Variants in ZNF737 observed in about 807,000 individuals in gnomAD.
The protein encoded by ZNF737 is zinc finger protein 102 (Y3).
ZNF737 carries 13 observed loss-of-function variants against 11.7 expected under a neutral mutation model. That is an observed-to-expected ratio of 1.11 (90% CI 0.73 to 1.77). The LOEUF (loss-of-function observed/expected upper bound fraction) is 1.77, where lower values mean the gene tolerates loss of function less well. ZNF737 is among the 40% of genes most tolerant of loss of function. The probability of loss-of-function intolerance (pLI) is 0.00; values close to 1 mark genes in which losing one functional copy is unlikely to be tolerated. For synonymous variants in ZNF737, 217 were observed against 216.2 expected (o/e 1.00, Z -0.03); for missense variants, 636 against 638.0 (o/e 1.00, Z 0.03).
chr19:20,548,556 T>C (rs1234380674), intron 3 of ZNF737, among the ~76,000 whole-genome samples: 2 of 152,112 alleles, frequency 1.3e-5, no homozygotes, highest in African/African-American at 2.4e-5. Flanking sequence ...TTTTACAAGA[T>C]GAAAACTTTC....
At chr19:20,553,613 C>G (rs1968776923) in intron 2 of ZNF737, 96 bp downstream of exon 2, 1 of 1,304,242 alleles carries the variant, frequency 7.7e-7, no homozygotes, top group Non-Finnish European at 1.1e-6. Flanking sequence ...ATCTGAAACT[C>G]TTTTATAAAA....
rs1968193023 is a variant in ZNF737, at chr19:20,541,248, C to G, written c.*3344G>C. On this transcript the variant is annotated 3_prime_UTR_variant, in exon 4 of 4. Transcript: ENST00000427401. ...ATTGCTTTTATTCTGAAAATATGTA[C>G]AAACCTATACTCACACAAAAACACT... is the stretch of plus-strand genomic sequence containing the variant. The G allele has an allele frequency of 1.0e-6, 1 of 984,346 alleles. No individual in the cohort carries two copies. The highest frequency in any genetic ancestry group is 1.2e-6 in the Non-Finnish European group (1 of 829,166). The allele number at this position is 984,346 out of a possible 1,614,324, so 61.0% of individuals were successfully genotyped here.
At position 20,544,652 on chromosome 19, in the gene ZNF737, GCCTTTGCCA is replaced by G; in HGVS notation, c.1542_1550del (p.Gly515_Gly517del). The stretch of plus-strand genomic sequence containing the variant: ...TAGTAAGGGTAGAGGGGCACTTAAA[GCCTTTGCCA>G]CATTCTTCACATTTGTAGGGTTTCT... On this transcript the variant is annotated inframe_deletion, in exon 4 of 4. Transcript: ENST00000427401. 1 of 1,600,362 alleles carries G rather than the reference GCCTTTGCCA, an allele frequency of 6.2e-7. No homozygotes were observed. Among genetic ancestry groups the G allele is most frequent in the Middle Eastern group, 1.7e-4 (1 of 6,030 alleles).
rs1336354401 is a variant in ZNF737, at chr19:20,545,355, T to C, written c.848A>G (p.Lys283Arg). 4 of 1,613,808 alleles carry C rather than the reference T, an allele frequency of 2.5e-6. No individual in the cohort carries two copies. In the African/African-American group the frequency reaches 4.0e-5, roughly 16 times the overall value. Residue 283 changes from lysine to arginine, a missense_variant, in exon 4 of 4, where the codon AAA becomes AGA. Lys to Arg is a conservative substitution (Grantham distance 26). Coordinates refer to ENST00000427401, the MANE Select transcript of ZNF737 (RefSeq NM_001159293.2). ...TTHKIIHTGE[K>R]PYKCEECGKA... ...GCCACATTCTTCACATTTGTAGGGT[T>C]TCTCTCCAGTATGAATTATCTTATG...
At position 20,545,485 on chromosome 19, in the gene ZNF737, G is replaced by A. The variant is rs552085240; in HGVS notation, c.718C>T (p.Arg240Trp). 73 of 1,612,950 alleles carry A rather than the reference G, an allele frequency of 4.5e-5. No individual in the cohort carries two copies. The highest frequency in any genetic ancestry group is 3.7e-4 in the Admixed American group (22 of 59,716). Residue 240 changes from arginine (R) to tryptophan (W), a missense_variant, in exon 4 of 4, where the codon CGG becomes TGG. By Grantham distance (101) the Arg-to-Trp change is moderately radical. Coordinates refer to ENST00000427401, the MANE Select transcript of ZNF737 (RefSeq NM_001159293.2). ...KCEDCGKAFSRFSYLTAHKII... is the reference protein window; with the variant it reads ...KCEDCGKAFSWFSYLTAHKII... ...TTATGTGCAGTAAGGTATGAAAACC[G>A]GCTAAAGGCTTTGCCACAGTCTTCA...
chr19:20,552,332 GA>G (rs58829785), intron 3 of ZNF737, 142 bp downstream of exon 3: 131,418 of 336,356 alleles, frequency 0.39, 12,983 homozygotes, highest in Admixed American at 0.47. Context: ...ATTTAAAAAA[GA>G]AAAAAAAAAA....
downstream of ZNF737, among the ~76,000 whole-genome samples, chr19:20,533,284 A>G (rs2122431245): frequency 6.7e-6 from 1 of 150,198 alleles, no homozygotes; most frequent in African/African-American, 2.5e-5. Flanking sequence ...CTATAGGGAA[A>G]AGATTTTTAT....
rs549319421 is a variant in ZNF737 at position 20,554,828 on chromosome 19, G to A, written c.4-993C>T. ...TAATAAGTTTTTTCAGAACTTTCTG[G>A]GTAATAAATGGCATCCCATTTAAAT... On this transcript the variant is annotated intron_variant, in intron 1 of 3. Coordinates refer to ENST00000427401, the MANE Select transcript of ZNF737 (RefSeq NM_001159293.2). Among the ~76,000 whole-genome samples, 352 of 151,026 alleles carry A rather than the reference G, an allele frequency of 2.3e-3. 1 individual carries two copies. The highest frequency in any genetic ancestry group is 8.2e-3 in the African/African-American group (337 of 41,104).
Position 20,538,944 on chromosome 19 carries a change from T to G in ZNF737, c.*5648A>C. ...ACATTTACAATCTTCAGTTTTTCAG[T>G]GTTAAAGCAAATCAGAGAAGAGCAA... On this transcript the variant is annotated 3_prime_UTR_variant, in exon 4 of 4. Coordinates refer to ENST00000427401, the MANE Select transcript of ZNF737 (RefSeq NM_001159293.2). 1.0e-6 allele frequency: 1 copy of G among 985,382 alleles called. No individual in the cohort carries two copies. The highest frequency in any genetic ancestry group is 1.2e-6 in the Non-Finnish European group (1 of 829,896). 61.0% of individuals were successfully genotyped at this position (985,382 alleles called of 1,614,324 possible).
In ZNF737 at chr19:20,543,393, TA is replaced by T. The variant is rs1968298889; in HGVS notation, c.*1198del. ...ATATTTGTAATGCTTGTCTTCACAA[TA>T]AATACTCTTCTTCACTTTAAAGGCT... On this transcript the variant is annotated 3_prime_UTR_variant, in exon 4 of 4. Coordinates refer to ENST00000427401, the MANE Select transcript of ZNF737 (RefSeq NM_001159293.2). The T allele has an allele frequency of 1.0e-6, 1 of 986,440 alleles. No homozygotes were observed. Among genetic ancestry groups the T allele is most frequent in the Non-Finnish European group, 1.2e-6 (1 of 829,602 alleles). 61.1% of individuals were successfully genotyped at this position (986,440 alleles called of 1,614,324 possible).
chr19:20,554,680 TTCAA>T, intron 1 of ZNF737, among the ~76,000 whole-genome samples: 1 of 152,142 alleles, frequency 6.6e-6, no homozygotes. Context: ...TAAAATCTGA[TTCAA>T]TCATAAAGAA....
intron 3 of ZNF737, among the ~76,000 whole-genome samples, chr19:20,547,401 A>AAAAAAC (rs375309959): frequency 6.4e-5 from 9 of 141,232 alleles, no homozygotes; most frequent in Admixed American, 7.1e-5. Context: ...AAAAAAAAAA[A>AAAAAAC]CACCACCTAC....
chr19:20,553,873 C>T (rs782791294), intron 1 of ZNF737, 38 bp from the exon 2 acceptor site: 1 of 1,594,648 alleles, frequency 6.3e-7, no homozygotes, highest in South Asian at 1.1e-5. Context: ...TACCAAGTAG[C>T]CAAGGGTGGA....
At chr19:20,533,266 A>G, downstream of ZNF737, among the ~76,000 whole-genome samples, 1 of 150,226 alleles carries the variant, frequency 6.7e-6, no homozygotes, top group Admixed American at 6.6e-5. Context: ...TATTCTAGAT[A>G]TAGTATTCTA....
chr19:20,553,723 T>C lies in ZNF737; in HGVS notation c.116A>G (p.Asn39Ser). 6.2e-7 allele frequency: 1 copy of C among 1,613,834 alleles called. No homozygotes were observed. Among genetic ancestry groups the C allele is most frequent in the African/African-American group, 1.3e-5 (1 of 75,026 alleles). ...GTTTTTCTCACCAAGGAAGACCAGG[T>C]TTCTGTAGTTCTCTAACATCACATT... is the stretch of plus-strand genomic sequence containing the variant. ...YRNVMLENYR[N>S]LVFLGIVVSK... Residue 39 changes from asparagine (N) to serine (S), a missense_variant, in exon 2 of 4, where the codon AAC becomes AGC. Transcript: ENST00000427401.
chr19:20,562,075 T>C (rs1435338588), intron 1 of ZNF737, among the ~76,000 whole-genome samples: 5 of 152,212 alleles, frequency 3.3e-5, no homozygotes, highest in African/African-American at 7.2e-5. Flanking sequence ...AAAGAAACAC[T>C]GTTCCCATTA....
At position 20,541,632 on chromosome 19, in the gene ZNF737, G is replaced by A. The variant is rs1555755123; in HGVS notation, c.*2960C>T. On this transcript the variant is annotated 3_prime_UTR_variant, in exon 4 of 4. Transcript: ENST00000427401. Reference sequence around the variant, plus strand: ...GTAGAGACAAGGTTTCACCACGTTGGCCAGGCTGGCCTTGAACTCCTAACC... The same window carrying A: ...GTAGAGACAAGGTTTCACCACGTTGACCAGGCTGGCCTTGAACTCCTAACC... Among the ~76,000 whole-genome samples the A allele has an allele frequency of 6.6e-6, 1 of 152,032 alleles. No individual in the cohort carries two copies. Among genetic ancestry groups the A allele is most frequent in the Non-Finnish European group, 1.5e-5 (1 of 67,994 alleles).
Position 20,543,839 on chromosome 19 carries a change from A to C in ZNF737, c.*753T>G. The C allele has an allele frequency of 1.0e-6, 1 of 985,364 alleles. No individual in the cohort carries two copies. 61.0% of individuals were successfully genotyped at this position (985,364 alleles called of 1,614,324 possible). A position where few individuals can be genotyped will look rare whatever the true frequency, so the allele number is the denominator to read the frequency against. On this transcript the variant is annotated 3_prime_UTR_variant, in exon 4 of 4. Transcript: ENST00000427401. ...ATTGCCATGCCTCTTAAGAATTGAGAACTTGTGGCTGGGCGTCGTGGCTCA... is the reference window on the plus strand; with the variant it reads ...ATTGCCATGCCTCTTAAGAATTGAGCACTTGTGGCTGGGCGTCGTGGCTCA...
chr19:20,546,252 AC>A (rs797043995), intron 3 of ZNF737, among the ~76,000 whole-genome samples: 95 of 152,312 alleles, frequency 6.2e-4, no homozygotes, highest in African/African-American at 1.9e-3. Context: ...TGTTACTTAT[AC>A]CCAACAGAGC....
Sources: gnomAD v4.1 joint callset for allele counts (sites outside exome capture counted in the v4.1 genomes callset) on GRCh38, gnomAD v4.1.1 for gene constraint, MANE v1.5 for transcripts, NCBI Gene and HGNC (gene_info 2026-07-23, HGNC 2026-07-21) for gene names.